The following NAV2 variants were observed in gnomAD, a reference collection of about 807,000 sequenced individuals.
NAV2 encodes neuron navigator 2, also known as helicase, APC down-regulated 1.
NAV2 carries 54 observed loss-of-function variants against 223.2 expected under a neutral mutation model. The observed-to-expected ratio is 0.24, with a 90% CI of 0.19 to 0.30. The LOEUF (loss-of-function observed/expected upper bound fraction) is 0.30. Among genes scored for constraint, NAV2 ranks in the 10% least tolerant of loss-of-function variants. The pLI is 1.00. For missense variants in NAV2, 2,806 were observed against 3,147.5 expected (o/e 0.89, Z 2.60); for synonymous variants, 1,279 against 1,239.3 (o/e 1.03, Z -0.67).
At chr11:19,727,010 G>A (rs952873834) in intron 1 of NAV2, among the ~76,000 whole-genome samples, 4 of 152,156 alleles carry the variant, frequency 2.6e-5, no homozygotes, top group Admixed American at 6.5e-5. Flanking sequence ...CCTAGAAGAG[G>A]ACCTCATAAG....
chr11:19,845,803 T>C (rs933700495), intron 3 of NAV2, among the ~76,000 whole-genome samples: 3 of 152,154 alleles, frequency 2.0e-5, no homozygotes, highest in African/African-American at 7.2e-5. Flanking sequence ...CCTAGAGGAT[T>C]CCAGGGGCAG....
intron 1 of NAV2, among the ~76,000 whole-genome samples, chr11:19,762,845 C>T (rs915831508): frequency 2.0e-5 from 3 of 152,168 alleles, no homozygotes; most frequent in African/African-American, 7.2e-5. Context: ...ATTTCTTGAC[C>T]TTGTGATCCG....
At chr11:19,993,549 A>AAGTG (rs755474453) in intron 11 of NAV2, among the ~76,000 whole-genome samples, 14 of 152,206 alleles carry the variant, frequency 9.2e-5, no homozygotes, top group Non-Finnish European at 1.8e-4. Flanking sequence ...TATCACATGC[A>AAGTG]AGTGAGTGCC....
intron 8 of NAV2, among the ~76,000 whole-genome samples, chr11:19,940,282 G>A (rs1242762810): frequency 6.6e-6 from 1 of 152,068 alleles, no homozygotes; most frequent in Non-Finnish European, 1.5e-5. Context: ...TTATTTAAAT[G>A]TAATGTAGAC....
chr11:19,357,886 G>C (rs74916599), intron 1 of NAV2, among the ~76,000 whole-genome samples: 4,828 of 152,198 alleles, frequency 0.032, 265 homozygotes, highest in African/African-American at 0.11. Context: ...GTCTAAGACA[G>C]CCCTTACAGG....
chr11:19,888,991 G>A (rs1420888820), intron 5 of NAV2, among the ~76,000 whole-genome samples: 9 of 152,104 alleles, frequency 5.9e-5, no homozygotes, highest in Admixed American at 3.9e-4. Context: ...CTTGAGATCC[G>A]GGTAAGATTG....
At chr11:20,115,827 GGCT>G (rs945706288) in intron 37 of NAV2, among the ~76,000 whole-genome samples, 1 of 152,022 alleles carries the variant, frequency 6.6e-6, no homozygotes, top group Non-Finnish European at 1.5e-5. Context: ...GTGGGAGGAG[GGCT>G]TGAGCCTGGG....
intron 1 of NAV2, among the ~76,000 whole-genome samples, chr11:19,371,263 G>T (rs1489735771): frequency 5.9e-5 from 9 of 151,898 alleles, no homozygotes; most frequent in Admixed American, 5.9e-4. Context: ...TTTTTCCACG[G>T]GGCAATGCCG....
At chr11:19,456,175 A>C (rs1851953029) in intron 1 of NAV2, among the ~76,000 whole-genome samples, 1 of 152,174 alleles carries the variant, frequency 6.6e-6, no homozygotes, top group African/African-American at 2.4e-5. Flanking sequence ...CTGATTTACC[A>C]ATGGAAAGAG....
intron 1 of NAV2, among the ~76,000 whole-genome samples, chr11:19,622,687 C>T (rs1385890042): frequency 6.6e-6 from 1 of 152,168 alleles, no homozygotes; most frequent in South Asian, 2.1e-4. Flanking sequence ...TTCCTGAATA[C>T]AGCACACTGA....
intron 1 of NAV2, among the ~76,000 whole-genome samples, chr11:19,791,771 G>A (rs2057536033): frequency 6.6e-6 from 1 of 152,172 alleles, no homozygotes; most frequent in South Asian, 2.1e-4. Flanking sequence ...AAGGTGTGGG[G>A]AAAGCATAGG....
intron 14 of NAV2, among the ~76,000 whole-genome samples, chr11:20,046,490 C>T (rs1476530519): frequency 6.6e-6 from 1 of 151,838 alleles, no homozygotes; most frequent in Admixed American, 6.6e-5. Flanking sequence ...AGGCAGTGAT[C>T]TTGACCAGCT....
intron 1 of NAV2, among the ~76,000 whole-genome samples, chr11:19,830,940 A>C (rs1432101028): frequency 2.6e-5 from 4 of 151,962 alleles, no homozygotes; most frequent in Non-Finnish European, 5.9e-5. Flanking sequence ...GGGGAAGGAG[A>C]CTAGCATGGA....
At chr11:19,580,217 C>T (rs751774581) in intron 1 of NAV2, among the ~76,000 whole-genome samples, 5 of 152,098 alleles carry the variant, frequency 3.3e-5, no homozygotes, top group Non-Finnish European at 7.4e-5. Flanking sequence ...CAGTTGTCAC[C>T]GAAACCCAGA....
chr11:19,652,286 G>A (rs746496247), intron 1 of NAV2, among the ~76,000 whole-genome samples: 7 of 152,110 alleles, frequency 4.6e-5, no homozygotes, highest in Admixed American at 6.5e-5. Flanking sequence ...GGGCTGCTCC[G>A]GTCTGAAGCC....
chr11:19,638,315 G>A (rs779366680), intron 1 of NAV2, among the ~76,000 whole-genome samples: 2 of 152,156 alleles, frequency 1.3e-5, no homozygotes, highest in Non-Finnish European at 2.9e-5. Context: ...TAAAACCCAG[G>A]GACCTTTATA....
At chr11:19,427,228 G>A (rs977507354) in intron 1 of NAV2, among the ~76,000 whole-genome samples, 3 of 152,192 alleles carry the variant, frequency 2.0e-5, no homozygotes, top group Non-Finnish European at 4.4e-5. Flanking sequence ...TTCCTCCCCT[G>A]CAGAAAGAGG....
rs1318913393 is a variant in NAV2 at position 19,394,314 on chromosome 11, GA to G, written c.75+43293del. 5.9e-5 allele frequency among the ~76,000 whole-genome samples: 9 copies of G among 152,170 alleles called. No individual in the cohort carries two copies. In the South Asian group the frequency reaches 8.3e-4, roughly 14 times the overall value. ...GTATAGACAGTACTTTTATAATGGGGAAAAAATGCTTTGATTTAAAAAGGAA... is the reference window on the plus strand; with the variant it reads ...GTATAGACAGTACTTTTATAATGGGGAAAAATGCTTTGATTTAAAAAGGAA... On this transcript the variant is annotated intron_variant, in intron 1 of 37. Transcript: ENST00000360655.
intron 1 of NAV2, among the ~76,000 whole-genome samples, chr11:19,557,835 G>A (rs1270654382): frequency 1.3e-5 from 2 of 152,184 alleles, no homozygotes; most frequent in Non-Finnish European, 1.5e-5. Flanking sequence ...GTGTCCAAAC[G>A]GAAGGCTTGG....
Sources: allele counts gnomAD v4.1 joint callset (sites outside exome capture counted in the v4.1 genomes callset), GRCh38; gene constraint gnomAD v4.1.1; transcripts MANE v1.5; gene names NCBI Gene and HGNC (gene_info 2026-07-23, HGNC 2026-07-21).